The following BAHCC1 variants were observed in gnomAD, a reference collection of about 807,000 sequenced individuals.
The protein encoded by BAHCC1 is BAH and coiled-coil domain-containing protein 1.
In BAHCC1, 43 loss-of-function variants were observed where a neutral mutation model predicts 88.2. The ratio of observed to expected loss-of-function variants is 0.49; its 90% CI spans 0.38 to 0.63. The LOEUF (loss-of-function observed/expected upper bound fraction) is 0.63, where lower values mean the gene tolerates loss of function less well. Ranked by LOEUF, BAHCC1 falls within the 20% of genes least tolerant of loss-of-function variation. The pLI is 0.00. For synonymous variants in BAHCC1, 1,510 were observed against 745.5 expected, an observed-to-expected ratio of 2.03 and a Z score of -16.71; for missense variants, 3,023 against 1,654.8, an observed-to-expected ratio of 1.83 and a Z score of -14.34.
intron 4 of BAHCC1, among the ~76,000 whole-genome samples, chr17:81,441,157 T>C (rs1555652438): frequency 2.6e-5 from 4 of 152,080 alleles, no homozygotes. Flanking sequence ...CGGGTTTGCA[T>C]CTCCCATCTC....
In BAHCC1 at chr17:81,456,633, C is replaced by T. The variant is rs559982242; in HGVS notation, c.4858+48C>T. ...CACTGCCAGGAGCCCCGGTCATGGT[C>T]GCTCGGGGGCTGGAGGAGGGGGCGG... On this transcript the variant is annotated intron_variant, in intron 16 of 27. Transcript: ENST00000675386. The T allele has an allele frequency of 6.1e-4, 408 of 666,018 alleles. 2 individuals carry two copies. The highest frequency in any genetic ancestry group is 7.5e-4 in the Middle Eastern group (2 of 2,664). 41.3% of individuals were successfully genotyped at this position (666,018 alleles called of 1,614,324 possible). A position where few individuals can be genotyped will look rare whatever the true frequency, so the allele number is the denominator to read the frequency against.
chr17:81,421,438 C>A (rs560058178), intron 2 of BAHCC1, among the ~76,000 whole-genome samples: 34 of 152,334 alleles, frequency 2.2e-4, no homozygotes, highest in African/African-American at 7.9e-4. Context: ...ACAGTAGAGG[C>A]GTGATGCTCT....
chr17:81,460,463 G>A, intron 24 of BAHCC1, 67 bp downstream of exon 24: 1 of 726,216 alleles, frequency 1.4e-6, no homozygotes, highest in African/African-American at 1.7e-5. Context: ...GGGCTCCCAA[G>A]GAAGGGTTGG....
In BAHCC1 at chr17:81,395,530, C is replaced by T. The variant is rs887196251; in HGVS notation, c.-312C>T. On this transcript the variant is annotated 5_prime_UTR_variant, in exon 1 of 28. Transcript: ENST00000675386. Reference sequence around the variant, plus strand: ...CGTTGTTGTGGAAGCGGTGCATTTACAGTGCAACAGTCAGCACATTGAAAA... The same window carrying T: ...CGTTGTTGTGGAAGCGGTGCATTTATAGTGCAACAGTCAGCACATTGAAAA... The T allele has an allele frequency of 2.6e-5, 4 of 151,678 alleles. No individual in the cohort carries two copies. The highest frequency in any genetic ancestry group is 5.9e-5 in the Non-Finnish European group (4 of 67,958). The allele number at this position is 151,678 out of a possible 1,614,324, so 9.4% of individuals were successfully genotyped here.
intron 11 of BAHCC1, among the ~76,000 whole-genome samples, chr17:81,449,226 G>T (rs575822598): frequency 1.3e-5 from 2 of 152,296 alleles, no homozygotes; most frequent in East Asian, 3.9e-4. Flanking sequence ...GTGTGCAGAA[G>T]TGGAGTCAGG....
In BAHCC1 at chr17:81,406,583, C is replaced by G. The variant is rs1359501853; in HGVS notation, c.178+6666C>G. Among the ~76,000 whole-genome samples the G allele has an allele frequency of 3.3e-5, 5 of 152,368 alleles. No homozygotes were observed. The East Asian group carries it at 5.8e-4, about 18-fold the overall frequency. ...CTCGGGCGTGGGACCGCACTCCGCT[C>G]GGGCTCCGCCCGCTGACGTTTTTAT... On this transcript the variant is annotated intron_variant, in intron 2 of 27. Transcript: ENST00000675386.
At chr17:81,405,231 A>AT (rs2063864426) in intron 2 of BAHCC1, among the ~76,000 whole-genome samples, 1 of 151,762 alleles carries the variant, frequency 6.6e-6, no homozygotes. Context: ...CCACGCCCTA[A>AT]TTTTTTGTAT....
chr17:81,459,750 C>A, intron 23 of BAHCC1, 146 bp downstream of exon 23: 1 of 538,760 alleles, frequency 1.9e-6, no homozygotes, highest in Admixed American at 3.0e-5. Context: ...ATGAGCTCCC[C>A]AGGCGCCATG....
intron 4 of BAHCC1, among the ~76,000 whole-genome samples, chr17:81,440,655 G>A (rs2143500181): frequency 6.6e-6 from 1 of 152,288 alleles, no homozygotes; most frequent in African/African-American, 2.4e-5. Flanking sequence ...TAACCCCAGG[G>A]CAGCCGGGAG....
Position 81,459,622 on chromosome 17 carries a change from C to A in BAHCC1, c.5905+18C>A. 2 of 779,338 alleles carry A rather than the reference C, an allele frequency of 2.6e-6. No individual in the cohort carries two copies. Among genetic ancestry groups the A allele is most frequent in the Non-Finnish European group, 4.8e-6 (2 of 417,804 alleles). The allele number at this position is 779,338 out of a possible 1,614,324, so 48.3% of individuals were successfully genotyped here. On this transcript the variant is annotated intron_variant, in intron 23 of 27. Transcript: ENST00000675386. ...GGTCCGGGGTAAGTTGCACCCAAAGCGGGGGCTGGGGCAGGCCCCTCTGAG... is the reference window on the plus strand; with the variant it reads ...GGTCCGGGGTAAGTTGCACCCAAAGAGGGGGCTGGGGCAGGCCCCTCTGAG...
Position 81,460,614 on chromosome 17 carries a change from A to G in BAHCC1, c.6110A>G (p.Glu2037Gly), listed in dbSNP as rs1555658897. The stretch of plus-strand genomic sequence containing the variant: ...TCCAGTGAGGCACCCCCGCCTAGTG[A>G]AGCCGCCACCCCCAGCCTGTCCCCC... ...KVSSEAPPPSEAATPSLSPKA... is the reference protein window; with the variant it reads ...KVSSEAPPPSGAATPSLSPKA... The change falls in exon 25 of 28, where the codon GAA becomes GGA. Residue 2037 changes from glutamate to glycine, a missense_variant. Coordinates refer to ENST00000675386, the MANE Select transcript of BAHCC1 (RefSeq NM_001377448.1). 1.3e-6 allele frequency: 1 copy of G among 770,974 alleles called. No homozygotes were observed. The highest frequency in any genetic ancestry group is 2.4e-6 in the Non-Finnish European group (1 of 414,134). The allele number at this position is 770,974 out of a possible 1,614,324, so 47.8% of individuals were successfully genotyped here. A position where few individuals can be genotyped will look rare whatever the true frequency, so the allele number is the denominator to read the frequency against.
intron 25 of BAHCC1, 21 bp from the exon 26 acceptor site, chr17:81,460,845 C>G: frequency 1.3e-6 from 1 of 766,736 alleles, no homozygotes; most frequent in Non-Finnish European, 2.4e-6. Flanking sequence ...GGGGCTGACT[C>G]TGCTGGGCTT....
chr17:81,459,186 T>G lies in BAHCC1; in HGVS notation c.5720+18T>G. On this transcript the variant is annotated intron_variant, in intron 21 of 27. Coordinates refer to ENST00000675386, the MANE Select transcript of BAHCC1 (RefSeq NM_001377448.1). ...CCCGACATGTGAGGCCTGGGCATGG[T>G]GGGGCAGGGCAGGGGCCTGGAGGGC... is the stretch of plus-strand genomic sequence containing the variant. 1 of 768,244 alleles carries G rather than the reference T, an allele frequency of 1.3e-6. No individual in the cohort carries two copies. The highest frequency in any genetic ancestry group is 2.4e-6 in the Non-Finnish European group (1 of 411,900). The allele number at this position is 768,244 out of a possible 1,614,324, so 47.6% of individuals were successfully genotyped here.
At chr17:81,463,536 G>T in intron 27 of BAHCC1, 75 bp from the exon 28 acceptor site, 1 of 759,836 alleles carries the variant, frequency 1.3e-6, no homozygotes, top group South Asian at 1.4e-5. Context: ...ATGGGTGGGC[G>T]GGTGGTCTTT....
Position 81,443,911 on chromosome 17 carries a change from T to C in BAHCC1, c.2318T>C (p.Leu773Pro), listed in dbSNP as rs1368912324. Residue 773 changes from leucine (L) to proline (P), a missense_variant, in exon 6 of 28, where the codon CTG becomes CCG. Coordinates refer to ENST00000675386, the MANE Select transcript of BAHCC1 (RefSeq NM_001377448.1). Reference protein sequence around the residue: ...DRLGLASRELLLQDSKDRVEF... With the variant: ...DRLGLASRELPLQDSKDRVEF... ...CTGGGGCTTGCCAGCCGCGAGCTGC[T>C]GCTGCAGTGAGAGCTGGGCCTGTGG... 2.8e-6 allele frequency: 2 copies of C among 710,984 alleles called. No individual in the cohort carries two copies. Among genetic ancestry groups the C allele is most frequent in the Non-Finnish European group, 5.2e-6 (2 of 384,788 alleles). 44.0% of individuals were successfully genotyped at this position (710,984 alleles called of 1,614,324 possible). A position where few individuals can be genotyped will look rare whatever the true frequency, so the allele number is the denominator to read the frequency against.
At chr17:81,433,120 C>T (rs2064288913) in intron 3 of BAHCC1, among the ~76,000 whole-genome samples, 1 of 151,476 alleles carries the variant, frequency 6.6e-6, no homozygotes, top group African/African-American at 2.4e-5. Flanking sequence ...CAGTTCCCTG[C>T]AGGCCTGTGG....
At chr17:81,462,086 A>G in intron 26 of BAHCC1, 40 bp downstream of exon 26, 1 of 703,192 alleles carries the variant, frequency 1.4e-6, no homozygotes, top group South Asian at 1.6e-5. Context: ...CTGGTTCCCA[A>G]GGAAACCGGG....
At chr17:81,444,012 C>T in intron 6 of BAHCC1, 95 bp downstream of exon 6, 1 of 673,384 alleles carries the variant, frequency 1.5e-6, no homozygotes, top group South Asian at 1.6e-5. Flanking sequence ...GTGGTCATGG[C>T]TGGGGCAGCA....
rs905133468 is a variant in BAHCC1 at position 81,435,991 on chromosome 17, C to T, written c.359-2379C>T. On this transcript the variant is annotated intron_variant, in intron 3 of 27. Coordinates refer to ENST00000675386, the MANE Select transcript of BAHCC1 (RefSeq NM_001377448.1). The surrounding 1 kb of genome is among the most constrained non-coding windows in gnomAD (Gnocchi z 4.4). ...TGGGAAAAAGAAAGGGGCTTTCTGT[C>T]GCTGGGCTGGGAGGACCTTTTCCCT... Among the ~76,000 whole-genome samples the T allele has an allele frequency of 2.0e-5, 3 of 152,222 alleles. No homozygotes were observed. Among genetic ancestry groups the T allele is most frequent in the Admixed American group, 6.5e-5 (1 of 15,280 alleles).
Sources: gnomAD v4.1 joint callset for allele counts (sites outside exome capture counted in the v4.1 genomes callset) on GRCh38, gnomAD v4.1.1 for gene constraint, Gnocchi (gnomAD v3.1) non-coding constraint, MANE v1.5 for transcripts, NCBI Gene and HGNC (gene_info 2026-07-23, HGNC 2026-07-21) for gene names.